The following OR6N1 variants were observed in gnomAD, a reference collection of about 807,000 sequenced individuals.
OR6N1 encodes olfactory receptor 6N1.
For missense variants in OR6N1, 394 were observed against 371.7 expected, an observed-to-expected ratio of 1.06 and a Z score of -0.49; for synonymous variants, 170 against 150.7, an observed-to-expected ratio of 1.13 and a Z score of -0.94.
the OR6N1 span, among the ~76,000 whole-genome samples, chr1:158,791,471 T>G: frequency 7.6e-6 from 1 of 132,252 alleles, no homozygotes; most frequent in Non-Finnish European, 1.5e-5. Context: ...TGATTTTGAT[T>G]TTTTTTTTTT....
chr1:158,794,684 T>C, the OR6N1 span, among the ~76,000 whole-genome samples: 1 of 152,188 alleles, frequency 6.6e-6, no homozygotes, highest in Admixed American at 6.5e-5. Context: ...AAATAATGTA[T>C]TGAGCATGTG....
At chr1:158,800,315 C>T in the OR6N1 span, among the ~76,000 whole-genome samples, 1 of 151,840 alleles carries the variant, frequency 6.6e-6, no homozygotes, top group Non-Finnish European at 1.5e-5. Context: ...GGAAAAGTTG[C>T]TTTTACCTAG....
the OR6N1 span, among the ~76,000 whole-genome samples, chr1:158,797,174 G>A: frequency 6.6e-6 from 1 of 152,176 alleles, no homozygotes; most frequent in African/African-American, 2.4e-5. Context: ...TGCCCCCTTT[G>A]TCTCTGTCAT....
the OR6N1 span, among the ~76,000 whole-genome samples, chr1:158,823,330 G>C: frequency 6.6e-6 from 1 of 152,066 alleles, no homozygotes; most frequent in East Asian, 1.9e-4. Flanking sequence ...CTGTAAATCT[G>C]TCTGGTCTGA....
upstream of OR6N1, chr1:158,774,864 A>G (rs1193534675): frequency 6.6e-6 from 1 of 152,208 alleles, no homozygotes; most frequent in Non-Finnish European, 1.5e-5. Context: ...ACAAATAGGG[A>G]AGACCGATGC....
chr1:158,812,890 C>T, the OR6N1 span, among the ~76,000 whole-genome samples: 2 of 152,066 alleles, frequency 1.3e-5, no homozygotes, highest in Non-Finnish European at 2.9e-5. Context: ...ATTTCCCACC[C>T]TCATACTAGG....
chr1:158,811,228 C>A, the OR6N1 span, among the ~76,000 whole-genome samples: 1 of 152,140 alleles, frequency 6.6e-6, no homozygotes, highest in East Asian at 1.9e-4. Context: ...ATTAACCTTA[C>A]CACAATATGA....
At chr1:158,777,624 G>A in the OR6N1 span, 3 of 1,610,204 alleles carry the variant, frequency 1.9e-6, no homozygotes, top group South Asian at 1.1e-5. Context: ...TTGAATGGTT[G>A]TATTGATCCA....
the OR6N1 span, among the ~76,000 whole-genome samples, chr1:158,834,083 G>A: frequency 0.17 from 26,556 of 151,788 alleles, 2,551 homozygotes; most frequent in Admixed American, 0.26. Context: ...TTTTGTGCAT[G>A]TATGTTTTTA....
the OR6N1 span, among the ~76,000 whole-genome samples, chr1:158,791,733 G>C: frequency 1.7e-4 from 26 of 152,302 alleles, no homozygotes; most frequent in East Asian, 4.6e-3. Flanking sequence ...CTCCCAAAGT[G>C]CTGGGATTAC....
At chr1:158,788,513 A>G in the OR6N1 span, among the ~76,000 whole-genome samples, 1 of 152,038 alleles carries the variant, frequency 6.6e-6, no homozygotes, top group Non-Finnish European at 1.5e-5. Flanking sequence ...CCTGTACAGT[A>G]TATATTTTTG....
the OR6N1 span, among the ~76,000 whole-genome samples, chr1:158,780,275 T>G: frequency 6.6e-6 from 1 of 152,212 alleles, no homozygotes; most frequent in African/African-American, 2.4e-5. Flanking sequence ...AAGTTAGCTT[T>G]TCTGAAGCCA....
the OR6N1 span, among the ~76,000 whole-genome samples, chr1:158,817,221 A>G: frequency 6.6e-6 from 1 of 152,232 alleles, no homozygotes; most frequent in South Asian, 2.1e-4. Flanking sequence ...GCAATTTTAT[A>G]AAAGGAATTC....
chr1:158,801,542 G>A, the OR6N1 span, among the ~76,000 whole-genome samples: 202 of 152,254 alleles, frequency 1.3e-3, no homozygotes, highest in Non-Finnish European at 2.3e-3. Context: ...GGGCTGTAGC[G>A]CAACAGAAAA....
At chr1:158,828,954 T>G in the OR6N1 span, among the ~76,000 whole-genome samples, 1 of 152,220 alleles carries the variant, frequency 6.6e-6, no homozygotes, top group Non-Finnish European at 1.5e-5. Flanking sequence ...GTTTGCACTC[T>G]CTGAAGCCAT....
intron 1 of OR6N1, 111 bp from the exon 2 acceptor site, chr1:158,766,811 C>T (rs537185537): frequency 3.0e-6 from 2 of 662,550 alleles, no homozygotes; most frequent in Admixed American, 2.9e-5. Context: ...CAGAGTAAAG[C>T]CCTCTAAGTA....
At chr1:158,794,483 A>T in the OR6N1 span, among the ~76,000 whole-genome samples, 1 of 152,264 alleles carries the variant, frequency 6.6e-6, no homozygotes, top group East Asian at 1.9e-4. Context: ...CGAGCCACCC[A>T]GTGGGGATTC....
At chr1:158,799,905 C>G in the OR6N1 span, among the ~76,000 whole-genome samples, 30 of 152,200 alleles carry the variant, frequency 2.0e-4, no homozygotes, top group Admixed American at 1.8e-3. Context: ...AAGTCTATGA[C>G]TCATTGTATC....
chr1:158,770,219 C>T (rs1657389955), intron 1 of OR6N1, among the ~76,000 whole-genome samples: 1 of 152,206 alleles, frequency 6.6e-6, no homozygotes, highest in Non-Finnish European at 1.5e-5. Context: ...TTCCACATAA[C>T]TCCAAAGACT....
Sources: allele counts gnomAD v4.1 joint callset (sites outside exome capture counted in the v4.1 genomes callset), GRCh38; gene constraint gnomAD v4.1.1; transcripts MANE v1.5; gene names NCBI Gene and HGNC (gene_info 2026-07-23, HGNC 2026-07-21).